The following NUAK1 variants were observed in gnomAD, a reference collection of about 807,000 sequenced individuals.
NUAK1 encodes the protein NUAK family kinase 1, also known as NUAK family SNF1-like kinase 1.
In NUAK1, 26 loss-of-function variants were observed where a neutral mutation model predicts 56.9. The observed-to-expected ratio is 0.46, with a 90% CI of 0.33 to 0.63. The LOEUF (loss-of-function observed/expected upper bound fraction) is 0.63. NUAK1 is among the 30% of genes least tolerant of loss of function. The pLI is 0.02. For missense variants in NUAK1, 727 were observed against 876.1 expected (o/e 0.83, Z 2.15); for synonymous variants, 337 against 336.0 (o/e 1.00, Z -0.03).
chr12:106,136,330 G>A (rs1416118868), intron 1 of NUAK1, among the ~76,000 whole-genome samples: 11 of 152,160 alleles, frequency 7.2e-5, no homozygotes, highest in Admixed American at 7.2e-4. Flanking sequence ...TCAGATTTGC[G>A]GCTGGTAAAG....
intron 1 of NUAK1, among the ~76,000 whole-genome samples, chr12:106,120,500 CAG>C (rs1480986537): frequency 1.3e-5 from 2 of 151,838 alleles, no homozygotes; most frequent in Non-Finnish European, 2.9e-5. Flanking sequence ...ATCTGAGACT[CAG>C]AGGACGATGT....
At chr12:106,112,312 T>C (rs1171745621) in intron 1 of NUAK1, among the ~76,000 whole-genome samples, 1 of 151,102 alleles carries the variant, frequency 6.6e-6, no homozygotes, top group African/African-American at 2.4e-5. Flanking sequence ...GATCTCTCCT[T>C]ACCTAGGAGC....
chr12:106,087,354 C>A (rs1233759417), intron 2 of NUAK1, among the ~76,000 whole-genome samples: 1 of 152,170 alleles, frequency 6.6e-6, no homozygotes, highest in Non-Finnish European at 1.5e-5. Context: ...GCAAATAAAA[C>A]CCAAAGCTTT....
intron 1 of NUAK1, among the ~76,000 whole-genome samples, chr12:106,131,268 G>C (rs1174207416): frequency 6.6e-6 from 1 of 151,988 alleles, no homozygotes; most frequent in Admixed American, 6.6e-5. Context: ...ATATTCGGAG[G>C]GGTGCAACCA....
At chr12:106,072,261 C>T (rs1285931461) in intron 5 of NUAK1, among the ~76,000 whole-genome samples, 1 of 152,116 alleles carries the variant, frequency 6.6e-6, no homozygotes, top group African/African-American at 2.4e-5. Context: ...CTAGACATTA[C>T]TAAATAAATT....
intron 1 of NUAK1, among the ~76,000 whole-genome samples, chr12:106,126,685 C>G (rs1196089238): frequency 2.0e-5 from 3 of 152,198 alleles, no homozygotes; most frequent in Non-Finnish European, 4.4e-5. Flanking sequence ...AGTGAGACTG[C>G]AAAAACAGCC....
In NUAK1 at chr12:106,064,040, G is replaced by A. The variant is rs1223735303; in HGVS notation, c.*2762C>T. On this transcript the variant is annotated 3_prime_UTR_variant, in exon 7 of 7. Transcript: ENST00000261402. ...CTTTGGCAGATGTGTAAACTAAGAC[G>A]GTGCAAGGCCCACAGAAGTAAGGAG... The A allele has an allele frequency of 2.0e-5, 3 of 152,576 alleles. No individual in the cohort carries two copies. Among genetic ancestry groups the A allele is most frequent in the East Asian group, 1.9e-4 (1 of 5,198 alleles). The allele number at this position is 152,576 out of a possible 1,614,324, so 9.5% of individuals were successfully genotyped here.
rs11112853 is a variant in NUAK1 at position 106,068,036 on chromosome 12, G to A, written c.833-81C>T. On this transcript the variant is annotated intron_variant, in intron 6 of 6. Transcript: ENST00000261402. ...GATAGTGGGACCCTCCAGGAGTGACGAAAGACACACACTCCCTCTAGGACA... is the reference window on the plus strand; with the variant it reads ...GATAGTGGGACCCTCCAGGAGTGACAAAAGACACACACTCCCTCTAGGACA... 4,112 of 1,339,818 alleles carry A rather than the reference G, an allele frequency of 3.1e-3. 108 individuals are homozygous for A. In the African/African-American group the frequency reaches 0.054, roughly 17 times the overall value. 83.0% of individuals were successfully genotyped at this position (1,339,818 alleles called of 1,614,324 possible). A position where few individuals can be genotyped will look rare whatever the true frequency, so the allele number is the denominator to read the frequency against.
At chr12:106,071,652 G>C (rs574282081) in intron 5 of NUAK1, among the ~76,000 whole-genome samples, 32 of 152,170 alleles carry the variant, frequency 2.1e-4, no homozygotes, top group Non-Finnish European at 4.0e-4. Context: ...CCAAATAAAG[G>C]AGTTTGCTGA....
rs186121202 is a variant in NUAK1, at chr12:106,115,654, A to G, written c.241-9129T>C. Reference sequence around the variant, plus strand: ...CGGGAGGCTTGTCATCTCCCTCATTAGTGCTCCACAAGCCTGCCTGCTGGG... The same window carrying G: ...CGGGAGGCTTGTCATCTCCCTCATTGGTGCTCCACAAGCCTGCCTGCTGGG... On this transcript the variant is annotated intron_variant, in intron 1 of 6. Transcript: ENST00000261402. Among the ~76,000 whole-genome samples the G allele has an allele frequency of 1.6e-4, 25 of 152,292 alleles. No individual in the cohort carries two copies. In the East Asian group the frequency reaches 4.8e-3, roughly 29 times the overall value.
intron 1 of NUAK1, among the ~76,000 whole-genome samples, chr12:106,120,859 T>C (rs143570769): frequency 1.7e-4 from 26 of 152,252 alleles, no homozygotes; most frequent in Admixed American, 1.6e-3. Flanking sequence ...CAAGGTCCCA[T>C]CTTGACCAGG....
rs145714192 is a variant in NUAK1, at chr12:106,131,366, G to A, written c.240+7048C>T. 8.5e-5 allele frequency among the ~76,000 whole-genome samples: 13 copies of A among 152,060 alleles called. No individual in the cohort carries two copies. In the East Asian group the frequency reaches 1.7e-3, roughly 20 times the overall value. ...TCCCAATTTACTCCCAACCCCACCC[G>A]CAGGCCCACTCATCTACGCTGTCTC... On this transcript the variant is annotated intron_variant, in intron 1 of 6. Coordinates refer to ENST00000261402, the MANE Select transcript of NUAK1 (RefSeq NM_014840.3).
chr12:106,120,673 A>C (rs551177170), intron 1 of NUAK1, among the ~76,000 whole-genome samples: 2 of 152,196 alleles, frequency 1.3e-5, no homozygotes, highest in Non-Finnish European at 2.9e-5. Flanking sequence ...TGAAATAAAC[A>C]GACAGTCAAA....
chr12:106,128,573 G>T (rs1188274169), intron 1 of NUAK1, among the ~76,000 whole-genome samples: 1 of 152,210 alleles, frequency 6.6e-6, no homozygotes, highest in Non-Finnish European at 1.5e-5. Flanking sequence ...AGCCAGCAAG[G>T]CTTCGTTTGA....
At chr12:106,106,354 T>G (rs1435039308) in intron 2 of NUAK1, 51 bp downstream of exon 2, 2 of 1,514,830 alleles carry the variant, frequency 1.3e-6, no homozygotes, top group East Asian at 2.3e-5. Flanking sequence ...GGCCCCATGG[T>G]ATGAGAAATG....
At chr12:106,134,932 C>T (rs1245838199) in intron 1 of NUAK1, among the ~76,000 whole-genome samples, 1 of 152,128 alleles carries the variant, frequency 6.6e-6, no homozygotes, top group East Asian at 1.9e-4. Context: ...TTGATTATTT[C>T]TTCTATCTCT....
At position 106,138,829 on chromosome 12, in the gene NUAK1, A is replaced by C; in HGVS notation, c.-176T>G. On this transcript the variant is annotated 5_prime_UTR_variant, in exon 1 of 7. The change abolishes an upstream ATG in the 5' untranslated region. Coordinates refer to ENST00000261402, the MANE Select transcript of NUAK1 (RefSeq NM_014840.3). The surrounding 1 kb of genome is among the most constrained non-coding windows in gnomAD (Gnocchi z 5.0). ...TCACTGGCGGCGGCGGGGACTGCAC[A>C]TCTGGCGCCCGCGGCGCGCACGGTC... 1 of 812,634 alleles carries C rather than the reference A, an allele frequency of 1.2e-6. No homozygotes were observed. The highest frequency in any genetic ancestry group is 1.7e-6 in the Non-Finnish European group (1 of 592,320). The allele number at this position is 812,634 out of a possible 1,614,324, so 50.3% of individuals were successfully genotyped here.
At chr12:106,121,607 G>A (rs1445044868) in intron 1 of NUAK1, among the ~76,000 whole-genome samples, 2 of 152,174 alleles carry the variant, frequency 1.3e-5, no homozygotes, top group Non-Finnish European at 2.9e-5. Context: ...AAAATTAGCT[G>A]GGCATGGTGG....
intron 1 of NUAK1, among the ~76,000 whole-genome samples, chr12:106,115,641 C>T (rs1201740186): frequency 1.3e-5 from 2 of 152,230 alleles, no homozygotes; most frequent in Non-Finnish European, 2.9e-5. Context: ...GGAGGCTTGT[C>T]ATCTCCCTCA....
Sources: gnomAD v4.1 joint callset for allele counts (sites outside exome capture counted in the v4.1 genomes callset) on GRCh38, gnomAD v4.1.1 for gene constraint, Gnocchi (gnomAD v3.1) non-coding constraint, MANE v1.5 for transcripts, NCBI Gene and HGNC (gene_info 2026-07-23, HGNC 2026-07-21) for gene names.